GRID2IP: variants seen among roughly 807,000 people sequenced by gnomAD.
GRID2IP encodes the protein delphilin.
A neutral mutation model predicts 114.3 loss-of-function variants in GRID2IP; 78 were observed. The ratio of observed to expected loss-of-function variants is 0.68; its 90% CI spans 0.57 to 0.82. The LOEUF (loss-of-function observed/expected upper bound fraction) is 0.82. Among genes scored for constraint, GRID2IP ranks in the 40% least tolerant of loss-of-function variants. The pLI is 0.00. For synonymous variants in GRID2IP, 809 were observed against 724.0 expected (o/e 1.12, Z -1.89); for missense variants, 1,727 against 1,678.5 (o/e 1.03, Z -0.51).
intron 1 of GRID2IP, among the ~76,000 whole-genome samples, chr7:6,546,421 T>C (rs1436447779): frequency 4.6e-5 from 7 of 150,952 alleles, no homozygotes; most frequent in Non-Finnish European, 1.0e-4. Context: ...AATACAAAAT[T>C]AGCCGGGCGT....
chr7:6,544,964 G>A (rs1422641655), intron 1 of GRID2IP, among the ~76,000 whole-genome samples: 1 of 152,140 alleles, frequency 6.6e-6, no homozygotes, highest in Admixed American at 6.6e-5. Context: ...GCGGGCGCCT[G>A]TAGTCCCAGC....
At chr7:6,498,267 T>G in intron 20 of GRID2IP, 39 bp from the exon 21 acceptor site, 1 of 1,506,692 alleles carries the variant, frequency 6.6e-7, no homozygotes. Flanking sequence ...AGCCCGCTTG[T>G]GCCCCCAGGG....
At position 6,521,560 on chromosome 7, in the gene GRID2IP, G is replaced by A. The variant is rs1411571852; in HGVS notation, c.990-37C>T. ...AGATGGCCCAGGAGGGCCTGACTGG[G>A]GTGAGCCCTGTCCACGGCCACCAGC... On this transcript the variant is annotated intron_variant, in intron 5 of 21. Coordinates refer to ENST00000457091, the MANE Select transcript of GRID2IP (RefSeq NM_001145118.2). The surrounding 1 kb of genome is among the most constrained non-coding windows in gnomAD (Gnocchi z 4.1). 4.8e-6 allele frequency: 7 copies of A among 1,467,350 alleles called. No individual in the cohort carries two copies. In the Admixed American group the frequency reaches 1.1e-4, roughly 23 times the overall value. 90.9% of individuals were successfully genotyped at this position (1,467,350 alleles called of 1,614,324 possible).
Position 6,509,303 on chromosome 7 carries a change from G to A in GRID2IP, c.1782C>T (p.Thr594=). The part of the protein sequence containing the change: ...PSPAVTTGPR[T]LSGVSWPSER... ...CGCTGGGCCATGAGACGCCGGACAG[G>A]GTCCTGGGCCCTGGAGGAGGGATGG... The change falls in exon 12 of 22, where the codon ACC becomes ACT. Residue 594 remains threonine (T), a synonymous_variant. Transcript: ENST00000457091. This position sits in a 1 kb window ranked among gnomAD's most constrained non-coding sequence, Gnocchi z 4.9. 6.6e-7 allele frequency: 1 copy of A among 1,508,172 alleles called. No homozygotes were observed. Among genetic ancestry groups the A allele is most frequent in the Non-Finnish European group, 8.9e-7 (1 of 1,127,330 alleles). 93.4% of individuals were successfully genotyped at this position (1,508,172 alleles called of 1,614,324 possible). A position where few individuals can be genotyped will look rare whatever the true frequency, so the allele number is the denominator to read the frequency against.
chr7:6,511,076 C>T (rs754087134), intron 8 of GRID2IP, 37 bp from the exon 9 acceptor site: 21 of 1,365,880 alleles, frequency 1.5e-5, no homozygotes, highest in Non-Finnish European at 2.0e-5. Context: ...CCCTCTTGCC[C>T]TCTCAGCCAG....
rs1034448833 is a variant in GRID2IP at position 6,508,811 on chromosome 7, G to T, written c.2127+147C>A. 1,708 of 1,283,008 alleles carry T rather than the reference G, an allele frequency of 1.3e-3. 20 individuals carry two copies. The highest frequency in any genetic ancestry group is 5.7e-4 in the Non-Finnish European group (550 of 958,190). 79.5% of individuals were successfully genotyped at this position (1,283,008 alleles called of 1,614,324 possible). On this transcript the variant is annotated intron_variant, in intron 12 of 21. Transcript: ENST00000457091. The surrounding 1 kb of genome is among the most constrained non-coding windows in gnomAD (Gnocchi z 5.6). The stretch of plus-strand genomic sequence containing the variant: ...GAGATAGGGTAACCTGGGGCAAGGG[G>T]TGGGATAGCTTGAGCTAGGGAGTGG...
In GRID2IP at chr7:6,534,304, T is replaced by C. The variant is rs1336135878; in HGVS notation, c.584+5414A>G. 1.3e-5 allele frequency among the ~76,000 whole-genome samples: 2 copies of C among 152,146 alleles called. No individual in the cohort carries two copies. The highest frequency in any genetic ancestry group is 2.9e-5 in the Non-Finnish European group (2 of 68,030). ...CCCCCACGCCACCACTCATATTTCCTGAAACGCTAGCGGACCACAAAGCTG... is the reference window on the plus strand; with the variant it reads ...CCCCCACGCCACCACTCATATTTCCCGAAACGCTAGCGGACCACAAAGCTG... On this transcript the variant is annotated intron_variant, in intron 2 of 21. Coordinates refer to ENST00000457091, the MANE Select transcript of GRID2IP (RefSeq NM_001145118.2). This position sits in a 1 kb window ranked among gnomAD's most constrained non-coding sequence, Gnocchi z 4.5.
intron 20 of GRID2IP, 147 bp from the exon 21 acceptor site, chr7:6,498,375 G>A: frequency 2.7e-6 from 2 of 728,156 alleles, no homozygotes; most frequent in Non-Finnish European, 2.2e-6. Context: ...CAGGGAACCA[G>A]GCCCTGTTCA....
In GRID2IP at chr7:6,509,057, G is replaced by T; in HGVS notation, c.2028C>A (p.Ser676Arg). The change falls in exon 12 of 22, where the codon AGC becomes AGA. Residue 676 changes from serine to arginine, a missense_variant. Physicochemically the swap from Ser to Arg is moderately radical, Grantham distance 110 (BLOSUM62 -1). Coordinates refer to ENST00000457091, the MANE Select transcript of GRID2IP (RefSeq NM_001145118.2). This position sits in a 1 kb window ranked among gnomAD's most constrained non-coding sequence, Gnocchi z 4.9. The stretch of plus-strand genomic sequence containing the variant: ...CGTCCAGGAAGCGGTCAGTATCGCG[G>T]CTTCGCACAGGGTGGGAGAAGGTGA... ...KLFTFSHPVRSRDTDRFLDVL... is the reference protein window; with the variant it reads ...KLFTFSHPVRRRDTDRFLDVL... 1 of 1,538,016 alleles carries T rather than the reference G, an allele frequency of 6.5e-7. No homozygotes were observed. Among genetic ancestry groups the T allele is most frequent in the East Asian group, 2.5e-5 (1 of 40,778 alleles).
chr7:6,514,305 G>A, intron 8 of GRID2IP, 70 bp downstream of exon 8: 1 of 1,297,938 alleles, frequency 7.7e-7, no homozygotes, highest in Non-Finnish European at 1.0e-6. Flanking sequence ...ACAGGTGTCT[G>A]TCTGTTCACC....
chr7:6,528,767 C>G lies in GRID2IP; in HGVS notation c.585-1998G>C, dbSNP rs985713500. Among the ~76,000 whole-genome samples, 1 of 151,884 alleles carries G rather than the reference C, an allele frequency of 6.6e-6. No homozygotes were observed. Among genetic ancestry groups the G allele is most frequent in the African/African-American group, 2.4e-5 (1 of 41,328 alleles). On this transcript the variant is annotated intron_variant, in intron 2 of 21. Transcript: ENST00000457091. This position sits in a 1 kb window ranked among gnomAD's most constrained non-coding sequence, Gnocchi z 6.0. ...ATTCTCAGGGAGGAGGCTCTGTCCCCGCAGTGAGCTCCGCTCCAGGTCTCG... is the reference window on the plus strand; with the variant it reads ...ATTCTCAGGGAGGAGGCTCTGTCCCGGCAGTGAGCTCCGCTCCAGGTCTCG...
At chr7:6,510,236 G>A (rs74487555) in intron 11 of GRID2IP, 47 bp downstream of exon 11, 248,966 of 1,297,954 alleles carry the variant, frequency 0.19, 26,370 homozygotes, top group Non-Finnish European at 0.21. Context: ...TGAGCCTGGG[G>A]TGGAGGGAAA....
At chr7:6,543,644 C>T (rs1779845356) in intron 1 of GRID2IP, among the ~76,000 whole-genome samples, 1 of 151,854 alleles carries the variant, frequency 6.6e-6, no homozygotes, top group African/African-American at 2.4e-5. Context: ...GGGTCTTGCT[C>T]TGTTGCCCAG....
At chr7:6,511,636 G>T (rs971983032) in intron 8 of GRID2IP, among the ~76,000 whole-genome samples, 1 of 152,096 alleles carries the variant, frequency 6.6e-6, no homozygotes, top group Non-Finnish European at 1.5e-5. Context: ...GCCTCCCAAA[G>T]TGCTGGGATT....
rs767135807 is a variant in GRID2IP at position 6,539,762 on chromosome 7, C to G, written c.540G>C (p.Leu180=). 1 of 1,550,090 alleles carries G rather than the reference C, an allele frequency of 6.5e-7. No individual in the cohort carries two copies. Among genetic ancestry groups the G allele is most frequent in the East Asian group, 2.4e-5 (1 of 40,918 alleles). The change falls in exon 2 of 22, where the codon CTG becomes CTC. Residue 180 remains leucine, a synonymous_variant. Coordinates refer to ENST00000457091, the MANE Select transcript of GRID2IP (RefSeq NM_001145118.2). Reference sequence around the variant, plus strand: ...GCCCGCAGGCCTCTCGGGGCAGCGCCAGGGTGAGAGTCCACACCAGATCAT... The same window carrying G: ...GCCCGCAGGCCTCTCGGGGCAGCGCGAGGGTGAGAGTCCACACCAGATCAT... ...RVDDLVWTLT[L]ALPREACGPL...
In GRID2IP at chr7:6,532,217, C is replaced by T. The variant is rs73059364; in HGVS notation, c.585-5448G>A. Among the ~76,000 whole-genome samples the T allele has an allele frequency of 0.076, 11,605 of 152,088 alleles. 609 individuals carry two copies. Among genetic ancestry groups the T allele is most frequent in the Middle Eastern group, 0.13 (37 of 294 alleles). ...GAGGCCCAGAATCAGGCCTGAGGAA[C>T]AAATGAGAGTTGGGGTAACCAGTTC... On this transcript the variant is annotated intron_variant, in intron 2 of 21. Coordinates refer to ENST00000457091, the MANE Select transcript of GRID2IP (RefSeq NM_001145118.2). This position sits in a 1 kb window ranked among gnomAD's most constrained non-coding sequence, Gnocchi z 4.4.
chr7:6,534,699 T>C lies in GRID2IP; in HGVS notation c.584+5019A>G, dbSNP rs1779694880. Among the ~76,000 whole-genome samples, 2 of 152,056 alleles carry C rather than the reference T, an allele frequency of 1.3e-5. No individual in the cohort carries two copies. The highest frequency in any genetic ancestry group is 6.5e-5 in the Admixed American group (1 of 15,270). ...GCTGAACTTTATATTTTATCAAATA[T>C]TAATTACATTTAACTTTTTTTTTTT... On this transcript the variant is annotated intron_variant, in intron 2 of 21. Coordinates refer to ENST00000457091, the MANE Select transcript of GRID2IP (RefSeq NM_001145118.2). The surrounding 1 kb of genome is among the most constrained non-coding windows in gnomAD (Gnocchi z 4.5).
At position 6,548,733 on chromosome 7, in the gene GRID2IP, G is replaced by T. The variant is rs372267129; in HGVS notation, c.429+2275C>A. Among the ~76,000 whole-genome samples the T allele has an allele frequency of 5.3e-3, 801 of 151,576 alleles. 6 individuals are homozygous for T. Among genetic ancestry groups the T allele is most frequent in the African/African-American group, 0.018 (762 of 41,310 alleles). On this transcript the variant is annotated intron_variant, in intron 1 of 21. Coordinates refer to ENST00000457091, the MANE Select transcript of GRID2IP (RefSeq NM_001145118.2). ...GGGGTACGCCTGTAATCCCAGCTAC[G>T]CGGGAGGCTGAGGCAGGAGAATCAC...
chr7:6,508,649 TA>T lies in GRID2IP; in HGVS notation c.2128-249del, dbSNP rs764739732. Among the ~76,000 whole-genome samples, 7 of 152,066 alleles carry T rather than the reference TA, an allele frequency of 4.6e-5. No individual in the cohort carries two copies. In the East Asian group the frequency reaches 9.7e-4, roughly 21 times the overall value. ...GGTAAGCCTCAGGCTGTGAGGGGGATAGCCTGGAATAAGGACAGGACCCTGT... is the reference window on the plus strand; with the variant it reads ...GGTAAGCCTCAGGCTGTGAGGGGGATGCCTGGAATAAGGACAGGACCCTGT... On this transcript the variant is annotated intron_variant, in intron 12 of 21. Coordinates refer to ENST00000457091, the MANE Select transcript of GRID2IP (RefSeq NM_001145118.2). This position sits in a 1 kb window ranked among gnomAD's most constrained non-coding sequence, Gnocchi z 5.6.
Sources: allele counts gnomAD v4.1 joint callset (sites outside exome capture counted in the v4.1 genomes callset), GRCh38; gene constraint gnomAD v4.1.1; non-coding constraint Gnocchi (gnomAD v3.1); transcripts MANE v1.5; gene names NCBI Gene and HGNC (gene_info 2026-07-23, HGNC 2026-07-21).